The following CPED1 variants were observed in gnomAD, a reference collection of about 807,000 sequenced individuals.
The protein encoded by CPED1 is cadherin-like and PC-esterase domain-containing protein 1.
Under a neutral mutation model 128.2 loss-of-function variants are expected in CPED1, and 114 were observed. The ratio of observed to expected loss-of-function variants is 0.89; its 90% confidence interval spans 0.76 to 1.04. The LOEUF (loss-of-function observed/expected upper bound fraction) is 1.04, where lower values mean the gene tolerates loss of function less well. CPED1 is among the 50% of genes least tolerant of loss of function. The pLI is 0.00. For synonymous variants in CPED1, 462 were observed against 426.7 expected (o/e 1.08, Z -1.02); for missense variants, 1,211 against 1,207.1 (o/e 1.00, Z -0.05).
chr7:121,061,579 C>G (rs921237423), intron 4 of CPED1, among the ~76,000 whole-genome samples: 12 of 152,084 alleles, frequency 7.9e-5, no homozygotes, highest in African/African-American at 2.7e-4. Flanking sequence ...TGGGAAATCT[C>G]TGTGTCTTCT....
chr7:121,100,223 C>A, intron 7 of CPED1, 129 bp downstream of exon 7: 1 of 803,586 alleles, frequency 1.2e-6, no homozygotes, highest in Non-Finnish European at 1.9e-6. Flanking sequence ...TTTTTTATTG[C>A]CGCAAGAAAA....
intron 7 of CPED1, among the ~76,000 whole-genome samples, chr7:121,110,754 T>A (rs1385032085): frequency 6.6e-6 from 1 of 152,188 alleles, no homozygotes; most frequent in Non-Finnish European, 1.5e-5. Context: ...AACAGGAGGC[T>A]ATCATAATCT....
intron 2 of CPED1, among the ~76,000 whole-genome samples, chr7:121,005,480 A>C (rs1482645129): frequency 6.6e-6 from 1 of 151,298 alleles, no homozygotes; most frequent in Non-Finnish European, 1.5e-5. Context: ...ATTTCTGGGA[A>C]CATCACACAC....
Position 121,071,267 on chromosome 7 carries a change from C to T in CPED1, c.616+6954C>T, listed in dbSNP as rs149088341. ...TCTTATCCCTGTACAATTCAGTAAC[C>T]ATTAGGATTCAGATCCCATCCAGTG... On this transcript the variant is annotated intron_variant, in intron 5 of 22. Coordinates refer to ENST00000310396, the MANE Select transcript of CPED1 (RefSeq NM_024913.5). 4.1e-3 allele frequency among the ~76,000 whole-genome samples: 619 copies of T among 152,222 alleles called. 5 individuals are homozygous for T. The highest frequency in any genetic ancestry group is 0.014 in the African/African-American group (587 of 41,544).
chr7:121,219,148 A>G (rs1173576341), intron 16 of CPED1, among the ~76,000 whole-genome samples: 1 of 152,020 alleles, frequency 6.6e-6, no homozygotes, highest in Non-Finnish European at 1.5e-5. Context: ...GTTCATTTGT[A>G]TTCATATTTA....
intron 16 of CPED1, among the ~76,000 whole-genome samples, chr7:121,200,305 C>T (rs1024922223): frequency 1.2e-4 from 18 of 152,024 alleles, no homozygotes; most frequent in Admixed American, 1.1e-3. Context: ...AAATTTTCTC[C>T]AGCCTCTCTG....
rs1295211876 is a variant in CPED1, at chr7:121,267,288, C to T, written c.2707C>T (p.His903Tyr). The T allele has an allele frequency of 1.3e-6, 2 of 1,579,976 alleles. No individual in the cohort carries two copies. Among genetic ancestry groups the T allele is most frequent in the South Asian group, 1.1e-5 (1 of 88,432 alleles). The change falls in exon 21 of 23, where the codon CAT becomes TAT. Residue 903 changes from histidine to tyrosine, a missense_variant. Transcript: ENST00000310396. ...IGFHLPVDGV[H>Y]FLTQSEVQNL... ...ATTTCATCTGCCAGTGGATGGAGTA[C>T]ATTTCTTAACACAGGTAAGCACATT...
chr7:121,267,052 T>TA (rs1367077221), intron 20 of CPED1, among the ~76,000 whole-genome samples, 163 bp from the exon 21 acceptor site: 5 of 152,022 alleles, frequency 3.3e-5, no homozygotes, highest in South Asian at 2.1e-4. Context: ...AACTCTATCT[T>TA]AAAAAAACCG....
chr7:121,280,299 T>C (rs1462648094), intron 22 of CPED1, among the ~76,000 whole-genome samples: 1 of 152,202 alleles, frequency 6.6e-6, no homozygotes, highest in Non-Finnish European at 1.5e-5. Flanking sequence ...GGGAATTTAG[T>C]GTCTGGGGAA....
intron 4 of CPED1, among the ~76,000 whole-genome samples, chr7:121,060,111 C>T (rs1793616726): frequency 6.6e-6 from 1 of 152,214 alleles, no homozygotes; most frequent in Non-Finnish European, 1.5e-5. Context: ...GCTTAGCACC[C>T]GGGCCAGCGG....
chr7:121,143,234 G>T (rs1795945966), intron 16 of CPED1, among the ~76,000 whole-genome samples: 1 of 152,022 alleles, frequency 6.6e-6, no homozygotes, highest in Non-Finnish European at 1.5e-5. Flanking sequence ...GTAGAATACA[G>T]TTCCATGGTC....
chr7:121,129,404 G>A (rs1229598033), intron 11 of CPED1, among the ~76,000 whole-genome samples: 2 of 148,688 alleles, frequency 1.3e-5, no homozygotes, highest in Non-Finnish European at 1.5e-5. Flanking sequence ...TAATTAATGA[G>A]TGTTTGATAC....
chr7:121,259,654 G>T (rs191779478), intron 18 of CPED1, among the ~76,000 whole-genome samples: 35 of 152,038 alleles, frequency 2.3e-4, no homozygotes, highest in African/African-American at 8.4e-4. Flanking sequence ...AAAATATGTA[G>T]GAAATAGTTT....
intron 7 of CPED1, among the ~76,000 whole-genome samples, chr7:121,121,169 G>A (rs1795378261): frequency 6.6e-6 from 1 of 152,072 alleles, no homozygotes. Flanking sequence ...ATATGTGGTG[G>A]AATGAAGTAG....
chr7:120,993,955 G>A (rs1554418368), intron 2 of CPED1: 1 of 329,970 alleles, frequency 3.0e-6, no homozygotes. Context: ...CCCTGGGTGG[G>A]GGTCGTCCTG....
chr7:121,187,254 T>G (rs1797024045), intron 16 of CPED1, among the ~76,000 whole-genome samples: 1 of 152,192 alleles, frequency 6.6e-6, no homozygotes. Context: ...TCGGTAGGAT[T>G]GTCAGAGGAC....
At chr7:121,054,886 G>GCAA (rs1793454615) in intron 4 of CPED1, among the ~76,000 whole-genome samples, 1 of 151,758 alleles carries the variant, frequency 6.6e-6, no homozygotes, top group Non-Finnish European at 1.5e-5. Flanking sequence ...TGTCCCTATT[G>GCAA]TTTTTTTGTT....
intron 5 of CPED1, among the ~76,000 whole-genome samples, chr7:121,078,779 G>C (rs1282680836): frequency 6.6e-6 from 1 of 152,138 alleles, no homozygotes; most frequent in Non-Finnish European, 1.5e-5. Flanking sequence ...TAGCTCCTGT[G>C]AATGGTTGGG....
intron 5 of CPED1, among the ~76,000 whole-genome samples, chr7:121,092,130 A>AT (rs1160906906): frequency 6.6e-6 from 1 of 152,068 alleles, no homozygotes; most frequent in African/African-American, 2.4e-5. Context: ...TTGGTCTTAG[A>AT]TAGTTAATCT....
Sources: gnomAD v4.1 joint callset for allele counts (sites outside exome capture counted in the v4.1 genomes callset) on GRCh38, gnomAD v4.1.1 for gene constraint, MANE v1.5 for transcripts, NCBI Gene and HGNC (gene_info 2026-07-23, HGNC 2026-07-21) for gene names.